CSGALNACT1: variants seen among roughly 807,000 people sequenced by gnomAD.
The protein encoded by CSGALNACT1 is chondroitin sulfate N-acetylgalactosaminyltransferase 1.
CSGALNACT1 carries 52 observed loss-of-function variants against 51.0 expected under a neutral mutation model. The ratio of observed to expected loss-of-function variants is 1.02; its 90% confidence interval spans 0.82 to 1.29. CSGALNACT1 has a LOEUF of 1.29. CSGALNACT1 is among the 50% of genes most tolerant of loss of function. The pLI is 0.00. For synonymous variants in CSGALNACT1, 341 were observed against 254.4 expected (o/e 1.34, Z -3.24); for missense variants, 935 against 679.2 (o/e 1.38, Z -4.19).
intron 1 of CSGALNACT1, among the ~76,000 whole-genome samples, chr8:19,704,260 C>T (rs2062036734): frequency 1.3e-5 from 2 of 152,206 alleles, no homozygotes; most frequent in Admixed American, 1.3e-4. Flanking sequence ...GCATTTGAAT[C>T]ACAGACCCTT....
At chr8:19,458,615 C>G in exon 5 of CSGALNACT1, 1 of 1,614,086 alleles carries the variant, frequency 6.2e-7, no homozygotes, top group Non-Finnish European at 8.5e-7. Context: ...ATACAATGTC[C>G]CTTTGTCCCT....
intron 8 of CSGALNACT1, among the ~76,000 whole-genome samples, chr8:19,414,598 C>T (rs202243372): frequency 8.0e-6 from 1 of 124,256 alleles, no homozygotes; most frequent in Non-Finnish European, 1.8e-5. Context: ...CACACATACA[C>T]ACACACACAC....
intron 1 of CSGALNACT1, among the ~76,000 whole-genome samples, chr8:19,652,433 A>G (rs1589277492): frequency 6.6e-6 from 1 of 152,328 alleles, no homozygotes; most frequent in South Asian, 2.1e-4. Flanking sequence ...AAATAGATGC[A>G]TCCCCACCTG....
chr8:19,592,392 ATAG>A (rs1325361886), intron 2 of CSGALNACT1, among the ~76,000 whole-genome samples: 5 of 152,366 alleles, frequency 3.3e-5, no homozygotes, highest in Admixed American at 6.5e-5. Flanking sequence ...TTCAGATAAA[ATAG>A]TATATATATT....
At chr8:19,446,202 A>C (rs1028662071) in intron 5 of CSGALNACT1, among the ~76,000 whole-genome samples, 7 of 152,138 alleles carry the variant, frequency 4.6e-5, no homozygotes, top group African/African-American at 1.7e-4. Context: ...AAGTAAGTAA[A>C]ATGCATGAGA....
At chr8:19,424,112 T>G (rs1026449081) in intron 6 of CSGALNACT1, among the ~76,000 whole-genome samples, 5 of 152,176 alleles carry the variant, frequency 3.3e-5, no homozygotes, top group African/African-American at 1.2e-4. Flanking sequence ...GGGTCCATGT[T>G]AGAGCTGCTC....
intron 1 of CSGALNACT1, among the ~76,000 whole-genome samples, chr8:19,746,661 T>A (rs1563209464): frequency 6.6e-6 from 1 of 152,214 alleles, no homozygotes; most frequent in Non-Finnish European, 1.5e-5. Flanking sequence ...ATATTTTTGC[T>A]AATCATTGGT....
intron 6 of CSGALNACT1, among the ~76,000 whole-genome samples, chr8:19,433,116 T>G (rs370628300): frequency 4.4e-4 from 67 of 152,364 alleles, no homozygotes; most frequent in African/African-American, 1.6e-3. Flanking sequence ...TCTGAACTAA[T>G]TCTATAAAGT....
chr8:19,660,425 G>C (rs1226148770), intron 1 of CSGALNACT1, among the ~76,000 whole-genome samples: 1 of 152,174 alleles, frequency 6.6e-6, no homozygotes, highest in African/African-American at 2.4e-5. Context: ...CTGATGAGTG[G>C]CAGAAATAAG....
chr8:19,414,039 T>C (rs1164149630), intron 8 of CSGALNACT1, among the ~76,000 whole-genome samples: 2 of 152,188 alleles, frequency 1.3e-5, no homozygotes, highest in Non-Finnish European at 2.9e-5. Context: ...CTCACAAGGA[T>C]TGGACAAATC....
intron 4 of CSGALNACT1, among the ~76,000 whole-genome samples, chr8:19,497,862 C>T (rs1479132754): frequency 6.6e-6 from 1 of 152,122 alleles, no homozygotes; most frequent in Non-Finnish European, 1.5e-5. Context: ...TAATCAGAAA[C>T]TCAAAAGAAT....
At chr8:19,606,769 A>C (rs1331818834), upstream of CSGALNACT1, among the ~76,000 whole-genome samples, 1 of 152,236 alleles carries the variant, frequency 6.6e-6, no homozygotes, top group African/African-American at 2.4e-5. Flanking sequence ...TAACAAAATT[A>C]TGCTACTAAA....
chr8:19,708,439 T>A (rs2062309490), intron 1 of CSGALNACT1, among the ~76,000 whole-genome samples: 1 of 152,190 alleles, frequency 6.6e-6, no homozygotes, highest in African/African-American at 2.4e-5. Context: ...GGTTCCATTA[T>A]GAGTAATATA....
intron 1 of CSGALNACT1, among the ~76,000 whole-genome samples, chr8:19,720,447 G>A (rs1463548769): frequency 6.6e-6 from 1 of 152,138 alleles, no homozygotes; most frequent in African/African-American, 2.4e-5. Context: ...ATGGCTTCTA[G>A]CTAAAAGCAT....
At chr8:19,666,826 AG>A (rs2059259212) in intron 1 of CSGALNACT1, among the ~76,000 whole-genome samples, 5 of 52,324 alleles carry the variant, frequency 9.6e-5, no homozygotes, top group South Asian at 5.2e-4. Context: ...AGAGAGAGAG[AG>A]AGAGAGAAAG....
chr8:19,674,027 C>T (rs902074503), intron 1 of CSGALNACT1, among the ~76,000 whole-genome samples: 2 of 152,224 alleles, frequency 1.3e-5, no homozygotes, highest in Non-Finnish European at 2.9e-5. Flanking sequence ...GTGGCTCACA[C>T]CTGTCATCCC....
At chr8:19,489,060 G>A (rs2073779257) in intron 4 of CSGALNACT1, among the ~76,000 whole-genome samples, 1 of 152,184 alleles carries the variant, frequency 6.6e-6, no homozygotes, top group South Asian at 2.1e-4. Flanking sequence ...AGAAAATGGA[G>A]ATGAGAGATG....
chr8:19,739,964 T>C (rs900106407), intron 1 of CSGALNACT1, among the ~76,000 whole-genome samples: 3 of 152,266 alleles, frequency 2.0e-5, no homozygotes, highest in African/African-American at 4.8e-5. Flanking sequence ...CTCAAACCAA[T>C]GTTCTCTCTT....
chr8:19,727,275 T>G (rs987546362), intron 1 of CSGALNACT1, among the ~76,000 whole-genome samples: 28 of 152,346 alleles, frequency 1.8e-4, no homozygotes, highest in African/African-American at 6.7e-4. Context: ...ACTATTTTCT[T>G]TAGTTGACAG....
Sources: allele counts gnomAD v4.1 joint callset (sites outside exome capture counted in the v4.1 genomes callset), GRCh38; gene constraint gnomAD v4.1.1; transcripts MANE v1.5; gene names NCBI Gene and HGNC (gene_info 2026-07-23, HGNC 2026-07-21).